Variants in DLG4 observed in about 807,000 individuals in gnomAD.
DLG4 encodes the protein disks large homolog 4.
Under a neutral mutation model 93.8 loss-of-function variants are expected in DLG4, and 7 were observed. The observed-to-expected ratio is 0.07, with a 90% CI of 0.04 to 0.14. DLG4 has a LOEUF of 0.14. Ranked by LOEUF, DLG4 falls within the 10% of genes least tolerant of loss-of-function variation. The pLI is 1.00. For missense variants in DLG4, 545 were observed against 992.9 expected (o/e 0.55, Z 6.06); for synonymous variants, 341 against 387.6 (o/e 0.88, Z 1.41).
Position 7,187,628 on chromosome 17 carries a change from G to A in DLG4, c.*3080C>T, listed in dbSNP as rs1258901497. Among the ~76,000 whole-genome samples, 1 of 151,872 alleles carries A rather than the reference G, an allele frequency of 6.6e-6. No homozygotes were observed. Among genetic ancestry groups the A allele is most frequent in the Non-Finnish European group, 1.5e-5 (1 of 68,000 alleles). ...CCATCCAGGTCAAATATGTGATTCT[G>A]CCCCTTCTAGTTTAACACGCAGACG... On this transcript the variant is annotated 3_prime_UTR_variant, in exon 20 of 20. Coordinates refer to ENST00000399506, the MANE Select transcript of DLG4 (RefSeq NM_001321075.3).
intron 2 of DLG4, among the ~76,000 whole-genome samples, chr17:7,206,795 C>T (rs1403655960): frequency 6.6e-6 from 1 of 152,034 alleles, no homozygotes; most frequent in Non-Finnish European, 1.5e-5. Context: ...AACCTGCTTG[C>T]CCGCTCCCTA....
upstream of DLG4, chr17:7,219,585 T>A (rs557698043): frequency 8.8e-7 from 1 of 1,132,882 alleles, no homozygotes; most frequent in South Asian, 2.2e-5. Context: ...GCCTCTGCCA[T>A]CTACCTTACA....
chr17:7,191,219 C>G lies in DLG4; in HGVS notation c.2068+48G>C. On this transcript the variant is annotated intron_variant, in intron 19 of 19. Coordinates refer to ENST00000399506, the MANE Select transcript of DLG4 (RefSeq NM_001321075.3). This position sits in a 1 kb window ranked among gnomAD's most constrained non-coding sequence, Gnocchi z 6.6. ...GGTGGCGGGGGAGCTCTTTCTAATCCGAGCAAGGGCACCCTACATGCTGGC... is the reference window on the plus strand; with the variant it reads ...GGTGGCGGGGGAGCTCTTTCTAATCGGAGCAAGGGCACCCTACATGCTGGC... 6.3e-7 allele frequency: 1 copy of G among 1,585,350 alleles called. No homozygotes were observed. The highest frequency in any genetic ancestry group is 8.7e-7 in the Non-Finnish European group (1 of 1,155,146).
Position 7,188,984 on chromosome 17 carries a change from C to T in DLG4, c.*1724G>A, listed in dbSNP as rs556593302. Reference sequence around the variant, plus strand: ...AAAATTAGCCAGGAGTGGTGGCAGGCGCCTGTAATCCCAGCTATTCGAGAG... The same window carrying T: ...AAAATTAGCCAGGAGTGGTGGCAGGTGCCTGTAATCCCAGCTATTCGAGAG... On this transcript the variant is annotated 3_prime_UTR_variant, in exon 20 of 20. Transcript: ENST00000399506. Among the ~76,000 whole-genome samples, 8 of 151,238 alleles carry T rather than the reference C, an allele frequency of 5.3e-5. No homozygotes were observed. Among genetic ancestry groups the T allele is most frequent in the African/African-American group, 1.7e-4 (7 of 41,174 alleles).
At chr17:7,215,850 C>T (rs928354793) in intron 1 of DLG4, among the ~76,000 whole-genome samples, 30 of 147,368 alleles carry the variant, frequency 2.0e-4, no homozygotes, top group Non-Finnish European at 4.0e-4. Flanking sequence ...CAGCCTGTGA[C>T]TCACCCGGAC....
Position 7,187,312 on chromosome 17 carries a change from G to GAGGC in DLG4, c.*3395_*3396insGCCT, listed in dbSNP as rs879923792. Among the ~76,000 whole-genome samples the GAGGC allele has an allele frequency of 2.4e-5, 3 of 123,890 alleles. 1 individual carries two copies. Among genetic ancestry groups the GAGGC allele is most frequent in the Non-Finnish European group, 1.9e-5 (1 of 52,820 alleles). 81.3% of individuals were successfully genotyped at this position (123,890 alleles called of 152,430 possible). A position where few individuals can be genotyped will look rare whatever the true frequency, so the allele number is the denominator to read the frequency against. ...CCTAGCACTTTGGGAGGCCGAGGGG[G>GAGGC]GGGGGGGTGGATCACCCGAGGTCAG... On this transcript the variant is annotated 3_prime_UTR_variant, in exon 20 of 20. Transcript: ENST00000399506.
chr17:7,218,280 G>A, upstream of DLG4: 1 of 1,608,862 alleles, frequency 6.2e-7, no homozygotes, highest in Non-Finnish European at 8.5e-7. Context: ...AGTCCAGGAT[G>A]TCTGTCACAG....
At position 7,194,899 on chromosome 17, in the gene DLG4, T is replaced by G. The variant is rs978818292; in HGVS notation, c.1302-404A>C. Among the ~76,000 whole-genome samples the G allele has an allele frequency of 5.3e-5, 8 of 151,660 alleles. No homozygotes were observed. The highest frequency in any genetic ancestry group is 9.7e-5 in the African/African-American group (4 of 41,250). ...CCGGGCACGGTGGCGGGTGCCTGTATTCCCAGCTTCTCGGGAGGCTGAGGC... is the reference window on the plus strand; with the variant it reads ...CCGGGCACGGTGGCGGGTGCCTGTAGTCCCAGCTTCTCGGGAGGCTGAGGC... On this transcript the variant is annotated intron_variant, in intron 11 of 19. Coordinates refer to ENST00000399506, the MANE Select transcript of DLG4 (RefSeq NM_001321075.3). This position sits in a 1 kb window ranked among gnomAD's most constrained non-coding sequence, Gnocchi z 4.4.
upstream of DLG4, chr17:7,218,285 T>C (rs1487383508): frequency 6.2e-7 from 1 of 1,608,532 alleles, no homozygotes; most frequent in Non-Finnish European, 8.5e-7. Context: ...AGGATGTCTG[T>C]CACAGGAACA....
chr17:7,198,929 T>C (rs2069963311), intron 8 of DLG4, among the ~76,000 whole-genome samples: 1 of 150,116 alleles, frequency 6.7e-6, no homozygotes, highest in Non-Finnish European at 1.5e-5. Context: ...GGTGGGAGGA[T>C]CGCTTGAGCC....
rs536003363 is a variant in DLG4 at position 7,190,628 on chromosome 17, C to A, written c.*80G>T. ...GGGTGGGAGGGAGGCCGGGGGGAGC[C>A]AAGGGCTTGGGCAATTCAGTCCAGA... On this transcript the variant is annotated 3_prime_UTR_variant, in exon 20 of 20. Coordinates refer to ENST00000399506, the MANE Select transcript of DLG4 (RefSeq NM_001321075.3). 6.8e-6 allele frequency: 8 copies of A among 1,175,724 alleles called. No homozygotes were observed. 72.8% of individuals were successfully genotyped at this position (1,175,724 alleles called of 1,614,324 possible).
chr17:7,193,395 G>C lies in DLG4; in HGVS notation c.1693+88C>G. 1.5e-6 allele frequency: 2 copies of C among 1,316,238 alleles called. No individual in the cohort carries two copies. The highest frequency in any genetic ancestry group is 3.1e-5 in the South Asian group (2 of 63,974). 81.5% of individuals were successfully genotyped at this position (1,316,238 alleles called of 1,614,324 possible). The stretch of plus-strand genomic sequence containing the variant: ...TATCTCCCTACACACCGATCCCCCA[G>C]GAGGCTCTGCCTATGGCCCCAGGGA... On this transcript the variant is annotated intron_variant, in intron 16 of 19. Transcript: ENST00000399506. The surrounding 1 kb of genome is among the most constrained non-coding windows in gnomAD (Gnocchi z 6.7).
intron 8 of DLG4, among the ~76,000 whole-genome samples, chr17:7,202,255 G>A (rs1312441563): frequency 6.6e-6 from 1 of 152,054 alleles, no homozygotes; most frequent in Non-Finnish European, 1.5e-5. Context: ...TTAGAGACAG[G>A]ATCTCGCTTT....
chr17:7,219,631 G>A (rs2071087090), upstream of DLG4: 8 of 1,221,552 alleles, frequency 6.5e-6, no homozygotes, highest in African/African-American at 1.6e-5. Context: ...TAACCCCACC[G>A]GAGAAGCCCT....
At chr17:7,200,766 G>T (rs1038192217) in intron 8 of DLG4, among the ~76,000 whole-genome samples, 1 of 151,178 alleles carries the variant, frequency 6.6e-6, no homozygotes, top group East Asian at 1.9e-4. Context: ...GGCTGGTCTC[G>T]AACTCCCAAC....
intron 1 of DLG4, among the ~76,000 whole-genome samples, chr17:7,214,568 C>T (rs2070830738): frequency 6.6e-6 from 1 of 152,224 alleles, no homozygotes; most frequent in African/African-American, 2.4e-5. Flanking sequence ...AAGGACCACC[C>T]GGAGGGTTTA....
chr17:7,198,529 C>G (rs1008413830), intron 8 of DLG4, among the ~76,000 whole-genome samples: 1 of 146,082 alleles, frequency 6.8e-6, no homozygotes, highest in Non-Finnish European at 1.5e-5. Flanking sequence ...CATGGTGAAA[C>G]CCTATCTCTA....
intron 1 of DLG4, among the ~76,000 whole-genome samples, chr17:7,212,188 C>T (rs1325225342): frequency 9.2e-5 from 14 of 152,062 alleles, no homozygotes; most frequent in African/African-American, 3.4e-4. Context: ...TCTACACTGC[C>T]TCTCCCACCA....
Position 7,187,930 on chromosome 17 carries a change from T to C in DLG4, c.*2778A>G, listed in dbSNP as rs2069335245. 6.6e-6 allele frequency among the ~76,000 whole-genome samples: 1 copy of C among 151,928 alleles called. No homozygotes were observed. Among genetic ancestry groups the C allele is most frequent in the Admixed American group, 6.6e-5 (1 of 15,250 alleles). ...CTAAAAATATTAAAAAATAGCTGTGTGTTATGGCACGCATCTGTAATCCCA... is the reference window on the plus strand; with the variant it reads ...CTAAAAATATTAAAAAATAGCTGTGCGTTATGGCACGCATCTGTAATCCCA... On this transcript the variant is annotated 3_prime_UTR_variant, in exon 20 of 20. Coordinates refer to ENST00000399506, the MANE Select transcript of DLG4 (RefSeq NM_001321075.3).
Sources: gnomAD v4.1 joint callset for allele counts (sites outside exome capture counted in the v4.1 genomes callset) on GRCh38, gnomAD v4.1.1 for gene constraint, Gnocchi (gnomAD v3.1) non-coding constraint, MANE v1.5 for transcripts, NCBI Gene and HGNC (gene_info 2026-07-23, HGNC 2026-07-21) for gene names.